The following MTMR7 variants were observed in gnomAD, a reference collection of about 807,000 sequenced individuals.
MTMR7 encodes the protein phosphatidylinositol-3-phosphate phosphatase MTMR7.
In MTMR7, 76 loss-of-function variants were observed where a neutral mutation model predicts 81.2. The observed-to-expected ratio is 0.94, with a 90% CI of 0.78 to 1.13. The LOEUF is 1.13. Ranked by LOEUF, MTMR7 falls within the 50% of genes most tolerant of loss-of-function variation. The pLI is 0.00. For synonymous variants in MTMR7, 372 were observed against 289.8 expected (o/e 1.28, Z -2.88); for missense variants, 1,044 against 820.0 (o/e 1.27, Z -3.34).
intron 1 of MTMR7, among the ~76,000 whole-genome samples, chr8:17,393,491 C>A (rs1821161649): frequency 6.6e-6 from 1 of 152,042 alleles, no homozygotes; most frequent in Non-Finnish European, 1.5e-5. Context: ...ATTTAGTACC[C>A]CAAATCCATA....
intron 2 of MTMR7, 140 bp from the exon 3 acceptor site, chr8:17,371,339 C>T (rs1820415043): frequency 1.1e-6 from 1 of 891,406 alleles, no homozygotes; most frequent in Non-Finnish European, 1.7e-6. Context: ...GTTCAGATGA[C>T]AAGCACTGAG....
chr8:17,393,933 T>G (rs1300699532), intron 1 of MTMR7, among the ~76,000 whole-genome samples: 3 of 152,164 alleles, frequency 2.0e-5, no homozygotes, highest in South Asian at 2.1e-4. Context: ...TATGAATAGC[T>G]AATAAGCACA....
At chr8:17,301,256 A>C (rs1817091217) in intron 13 of MTMR7, among the ~76,000 whole-genome samples, 1 of 152,222 alleles carries the variant, frequency 6.6e-6, no homozygotes, top group African/African-American at 2.4e-5. Flanking sequence ...GCAATGTAAG[A>C]ATTTCAAAAA....
At chr8:17,362,072 G>A (rs1299618473) in intron 3 of MTMR7, among the ~76,000 whole-genome samples, 1 of 152,124 alleles carries the variant, frequency 6.6e-6, no homozygotes, top group African/African-American at 2.4e-5. Context: ...TAAGGGAAGT[G>A]TAGAGACCAG....
In MTMR7 at chr8:17,297,031, TAA is replaced by T. The variant is rs981544527; in HGVS notation, c.*2829_*2830del. 1 of 152,188 alleles carries T rather than the reference TAA, an allele frequency of 6.6e-6. No individual in the cohort carries two copies. The highest frequency in any genetic ancestry group is 2.4e-5 in the African/African-American group (1 of 41,460). The allele number at this position is 152,188 out of a possible 1,614,324, so 9.4% of individuals were successfully genotyped here. A position where few individuals can be genotyped will look rare whatever the true frequency, so the allele number is the denominator to read the frequency against. ...TGGGTTCTGTTTTTGCAACAGAGAT[TAA>T]GTGACCATTTTTTCTAATTTTATGG... On this transcript the variant is annotated 3_prime_UTR_variant, in exon 14 of 14. Transcript: ENST00000180173.
At chr8:17,345,568 G>T (rs1329040071) in intron 5 of MTMR7, among the ~76,000 whole-genome samples, 1 of 152,210 alleles carries the variant, frequency 6.6e-6, no homozygotes, top group Non-Finnish European at 1.5e-5. Flanking sequence ...GGCTGTCCCT[G>T]TAACCTAGAG....
intron 4 of MTMR7, among the ~76,000 whole-genome samples, chr8:17,352,024 C>A (rs1314193564): frequency 1.3e-5 from 2 of 152,202 alleles, no homozygotes; most frequent in Non-Finnish European, 2.9e-5. Flanking sequence ...GTCCATCCTA[C>A]ACAAAGCAAC....
chr8:17,370,961 CCATA>C (rs1416662272), intron 3 of MTMR7, 72 bp downstream of exon 3: 3 of 1,449,630 alleles, frequency 2.1e-6, no homozygotes, highest in Admixed American at 3.6e-5. Flanking sequence ...TTCCTAAGCA[CCATA>C]CAAATTCTTG....
rs995240992 is a variant in MTMR7 at position 17,296,954 on chromosome 8, G to A, written c.*2908C>T. ...ACAAATCAGTTTACATAAAGGTTAT[G>A]TATGTCACCCACGATGAAAAGAATC... On this transcript the variant is annotated 3_prime_UTR_variant, in exon 14 of 14. Transcript: ENST00000180173. The A allele has an allele frequency of 6.6e-6, 1 of 152,138 alleles. No individual in the cohort carries two copies. The highest frequency in any genetic ancestry group is 6.5e-5 in the Admixed American group (1 of 15,270). 9.4% of individuals were successfully genotyped at this position (152,138 alleles called of 1,614,324 possible).
At position 17,304,504 on chromosome 8, in the gene MTMR7, T is replaced by G; in HGVS notation, c.1368A>C (p.Thr456=). The stretch of plus-strand genomic sequence containing the variant: ...TCCACAGGTGAGCCCATAATGAGTA[T>G]GTTCTTTCTTGAATCCTGTTATAAA... ...ERRELKIQER[T]YSLWAHLWKN... The change falls in exon 12 of 14, where the codon ACA becomes ACC. Residue 456 remains threonine (T), a synonymous_variant. Transcript: ENST00000180173. The G allele has an allele frequency of 6.2e-7, 1 of 1,613,520 alleles. No individual in the cohort carries two copies. The highest frequency in any genetic ancestry group is 8.5e-7 in the Non-Finnish European group (1 of 1,179,552).
chr8:17,328,578 G>A (rs1818821157), intron 7 of MTMR7, among the ~76,000 whole-genome samples: 1 of 152,108 alleles, frequency 6.6e-6, no homozygotes, highest in Non-Finnish European at 1.5e-5. Context: ...GGGGGTGGGG[G>A]AGTGGAGGGA....
At chr8:17,318,697 G>T (rs1554507837) in intron 7 of MTMR7, among the ~76,000 whole-genome samples, 1 of 152,190 alleles carries the variant, frequency 6.6e-6, no homozygotes, top group Non-Finnish European at 1.5e-5. Flanking sequence ...TATTGTGCAT[G>T]TTTGGAAGGT....
At chr8:17,347,529 C>T (rs1819595267) in intron 5 of MTMR7, among the ~76,000 whole-genome samples, 1 of 152,194 alleles carries the variant, frequency 6.6e-6, no homozygotes, top group African/African-American at 2.4e-5. Flanking sequence ...TGGATACACA[C>T]TCACACAATC....
chr8:17,315,118 A>G (rs982239902), intron 7 of MTMR7, among the ~76,000 whole-genome samples: 1 of 152,206 alleles, frequency 6.6e-6, no homozygotes, highest in African/African-American at 2.4e-5. Flanking sequence ...AAACATATGA[A>G]GTTTAAAATG....
chr8:17,360,914 G>T (rs1820039742), intron 4 of MTMR7, among the ~76,000 whole-genome samples: 1 of 152,160 alleles, frequency 6.6e-6, no homozygotes, highest in African/African-American at 2.4e-5. Flanking sequence ...TCTGGAAGGG[G>T]TGATCTGTAT....
intron 4 of MTMR7, among the ~76,000 whole-genome samples, chr8:17,351,173 A>G (rs994793117): frequency 1.3e-5 from 2 of 152,256 alleles, no homozygotes; most frequent in East Asian, 3.8e-4. Context: ...GTAGGTTTTC[A>G]GCAAGTTGGG....
intron 4 of MTMR7, among the ~76,000 whole-genome samples, chr8:17,350,235 G>A (rs745604010): frequency 2.6e-5 from 4 of 152,140 alleles, no homozygotes; most frequent in African/African-American, 9.7e-5. Context: ...CCTCAAGTAC[G>A]TCTAACAACA....
intron 1 of MTMR7, among the ~76,000 whole-genome samples, chr8:17,405,920 T>C (rs1821569670): frequency 6.6e-6 from 1 of 151,852 alleles, no homozygotes; most frequent in East Asian, 1.9e-4. Context: ...AATTACACTG[T>C]TTTATATATG....
At chr8:17,404,805 T>C (rs1821529306) in intron 1 of MTMR7, among the ~76,000 whole-genome samples, 1 of 151,934 alleles carries the variant, frequency 6.6e-6, no homozygotes, top group South Asian at 2.1e-4. Context: ...TGGTGGTTGG[T>C]TTTGTTTTGT....
Sources: gnomAD v4.1 joint callset for allele counts (sites outside exome capture counted in the v4.1 genomes callset) on GRCh38, gnomAD v4.1.1 for gene constraint, MANE v1.5 for transcripts, NCBI Gene and HGNC (gene_info 2026-07-23, HGNC 2026-07-21) for gene names.